The following UBE3B variants were observed in gnomAD, a reference collection of about 807,000 sequenced individuals.
UBE3B encodes the protein ubiquitin-protein ligase E3B.
In UBE3B, 80 loss-of-function variants were observed where a neutral mutation model predicts 132.3. The observed-to-expected ratio is 0.60, with a 90% confidence interval of 0.50 to 0.73. The LOEUF is 0.73. Among genes scored for constraint, UBE3B ranks in the 30% least tolerant of loss-of-function variants. UBE3B has a pLI of 0.00. For synonymous variants in UBE3B, 487 were observed against 520.4 expected, an observed-to-expected ratio of 0.94 and a Z score of 0.87; for missense variants, 1,196 against 1,362.5, an observed-to-expected ratio of 0.88 and a Z score of 1.92.
At chr12:109,511,923 G>A (rs1278149624) in intron 18 of UBE3B, among the ~76,000 whole-genome samples, 2 of 152,158 alleles carry the variant, frequency 1.3e-5, no homozygotes, top group Non-Finnish European at 2.9e-5. Context: ...AGCAAGTCAA[G>A]AGATTTTTAA....
chr12:109,512,499 C>G (rs961271874), intron 18 of UBE3B, among the ~76,000 whole-genome samples: 6 of 152,144 alleles, frequency 3.9e-5, no homozygotes, highest in Non-Finnish European at 1.5e-5. Flanking sequence ...ATGTCCGATG[C>G]TGCGACAACA....
intron 6 of UBE3B, among the ~76,000 whole-genome samples, chr12:109,487,514 A>G (rs1329683962): frequency 1.3e-5 from 2 of 152,180 alleles, no homozygotes; most frequent in African/African-American, 4.8e-5. Flanking sequence ...CAGGTGAGAC[A>G]TGGCTCAGCG....
At chr12:109,514,850 C>T (rs1880808595) in intron 18 of UBE3B, among the ~76,000 whole-genome samples, 1 of 152,072 alleles carries the variant, frequency 6.6e-6, no homozygotes, top group Admixed American at 6.6e-5. Flanking sequence ...GATCTGTCAA[C>T]CAGCCTCAGC....
At chr12:109,518,700 A>G (rs544747162) in intron 19 of UBE3B, among the ~76,000 whole-genome samples, 2 of 152,288 alleles carry the variant, frequency 1.3e-5, no homozygotes, top group South Asian at 4.1e-4. Flanking sequence ...CCCTTCACAA[A>G]TATCATTGCT....
intron 9 of UBE3B, among the ~76,000 whole-genome samples, chr12:109,495,869 T>C (rs1878136263): frequency 6.6e-6 from 1 of 152,234 alleles, no homozygotes; most frequent in Non-Finnish European, 1.5e-5. Context: ...CTCATTCCAG[T>C]AGACCTACAA....
rs1415886921 is a variant in UBE3B at position 109,521,735 on chromosome 12, C to T, written c.2364+184C>T. On this transcript the variant is annotated intron_variant, in intron 21 of 27. Coordinates refer to ENST00000342494, the MANE Select transcript of UBE3B (RefSeq NM_130466.4). The surrounding 1 kb of genome is among the most constrained non-coding windows in gnomAD (Gnocchi z 4.2). ...AGGTACTTTGCCTGTGGCATCTCAT[C>T]TCATCCCATCGACAGCCCTGTGACG... is the stretch of plus-strand genomic sequence containing the variant. Among the ~76,000 whole-genome samples the T allele has an allele frequency of 2.0e-5, 3 of 152,216 alleles. No homozygotes were observed. Among genetic ancestry groups the T allele is most frequent in the South Asian group, 2.1e-4 (1 of 4,834 alleles).
intron 18 of UBE3B, among the ~76,000 whole-genome samples, chr12:109,511,725 C>T (rs1880399453): frequency 6.6e-6 from 1 of 152,108 alleles, no homozygotes; most frequent in African/African-American, 2.4e-5. Flanking sequence ...AGCAAGACAG[C>T]CTTAGAAACC....
At chr12:109,499,859 C>G in intron 12 of UBE3B, 49 bp downstream of exon 12, 1 of 1,432,238 alleles carries the variant, frequency 7.0e-7, no homozygotes, top group Non-Finnish European at 9.3e-7. Flanking sequence ...CTCCCACCAT[C>G]TTCTTCTTCC....
chr12:109,530,609 A>G lies in UBE3B; in HGVS notation c.2873A>G (p.Asp958Gly). 6.2e-7 allele frequency: 1 copy of G among 1,614,164 alleles called. No individual in the cohort carries two copies. Among genetic ancestry groups the G allele is most frequent in the Non-Finnish European group, 8.5e-7 (1 of 1,180,032 alleles). The change falls in exon 26 of 28, where the codon GAT (aspartate) becomes GGT (glycine). Residue 958 changes from aspartate to glycine, a missense_variant. Transcript: ENST00000342494. Reference protein sequence around the residue: ...GSHRVIIWLWDILASDFTPDE... With the variant: ...GSHRVIIWLWGILASDFTPDE... Reference sequence around the variant, plus strand: ...CACAGAGTCATCATCTGGCTCTGGGATATTCTGGCCTCCGACTTCACACCG... The same window carrying G: ...CACAGAGTCATCATCTGGCTCTGGGGTATTCTGGCCTCCGACTTCACACCG...
chr12:109,501,462 A>C lies in UBE3B; in HGVS notation c.1210A>C (p.Lys404Gln), dbSNP rs372809787. ...GATCTTCTTCTGTGACATCCTGAGC[A>C]AGAAGCTACTGGAGAGCCAGGAGCC... ...IRIFFCDILS[K>Q]KLLESQEPAH... Residue 404 changes from lysine (K) to glutamine (Q), a missense_variant, in exon 13 of 28, where the codon AAG becomes CAG. Physicochemically the swap from Lys to Gln is moderately conservative, Grantham distance 53. Coordinates refer to ENST00000342494, the MANE Select transcript of UBE3B (RefSeq NM_130466.4). 1 of 1,614,048 alleles carries C rather than the reference A, an allele frequency of 6.2e-7. No homozygotes were observed. The highest frequency in any genetic ancestry group is 1.3e-5 in the African/African-American group (1 of 74,910).
At chr12:109,518,344 C>T (rs1400616717) in intron 19 of UBE3B, among the ~76,000 whole-genome samples, 1 of 152,180 alleles carries the variant, frequency 6.6e-6, no homozygotes, top group African/African-American at 2.4e-5. Flanking sequence ...CTCCATAACG[C>T]TCTTGAGTTT....
At chr12:109,491,436 A>G (rs1477179810) in intron 9 of UBE3B, 1 of 242,884 alleles carries the variant, frequency 4.1e-6, no homozygotes, top group East Asian at 8.1e-5. Flanking sequence ...TGAAGTTTTA[A>G]TTGACAAAAC....
At position 109,481,895 on chromosome 12, in the gene UBE3B, C is replaced by T. The variant is rs185914229; in HGVS notation, c.-22+153C>T. ...TTGAAACCCACAATTACTTTTGTAC[C>T]AACCTAATACCTTCCCTCCTGTGGT... On this transcript the variant is annotated intron_variant, in intron 2 of 27. Transcript: ENST00000342494. 1.3e-5 allele frequency among the ~76,000 whole-genome samples: 2 copies of T among 152,140 alleles called. 1 individual carries two copies. Among genetic ancestry groups the T allele is most frequent in the Admixed American group, 1.3e-4 (2 of 15,298 alleles).
Position 109,534,880 on chromosome 12 carries a change from G to GC in UBE3B, c.*98_*99insC. On this transcript the variant is annotated 3_prime_UTR_variant, in exon 28 of 28. Transcript: ENST00000342494. The surrounding 1 kb of genome is among the most constrained non-coding windows in gnomAD (Gnocchi z 5.2). ...TGGGAATGTGACCAACATGCCAGGTGACATTGGCCCCTAGACCCTCTCTAT... is the reference window on the plus strand; with the variant it reads ...TGGGAATGTGACCAACATGCCAGGTGCACATTGGCCCCTAGACCCTCTCTAT... 1.8e-6 allele frequency: 2 copies of GC among 1,093,102 alleles called. No homozygotes were observed. Among genetic ancestry groups the GC allele is most frequent in the Non-Finnish European group, 1.3e-6 (1 of 780,694 alleles). 67.7% of individuals were successfully genotyped at this position (1,093,102 alleles called of 1,614,324 possible). A position where few individuals can be genotyped will look rare whatever the true frequency, so the allele number is the denominator to read the frequency against.
At chr12:109,540,377 T>C (rs1332948177), downstream of UBE3B, among the ~76,000 whole-genome samples, 1 of 152,120 alleles carries the variant, frequency 6.6e-6, no homozygotes, top group Non-Finnish European at 1.5e-5. Context: ...CCGGCTAGTT[T>C]ATTTTGTATT....
At chr12:109,546,050 C>A in the UBE3B span, among the ~76,000 whole-genome samples, 2 of 152,286 alleles carry the variant, frequency 1.3e-5, no homozygotes, top group African/African-American at 4.8e-5. Context: ...GTCTCCCTAC[C>A]AGCTAAGGCA....
rs1566097786 is a variant in UBE3B at position 109,511,240 on chromosome 12, C to G, written c.1893C>G (p.Asp631Glu). 6.2e-7 allele frequency: 1 copy of G among 1,614,192 alleles called. No individual in the cohort carries two copies. Among genetic ancestry groups the G allele is most frequent in the Admixed American group, 1.7e-5 (1 of 60,034 alleles). The change falls in exon 18 of 28, where the codon GAC (aspartate) becomes GAG (glutamate). Residue 631 changes from aspartate to glutamate, a missense_variant. Coordinates refer to ENST00000342494, the MANE Select transcript of UBE3B (RefSeq NM_130466.4). ...CTAGCGTGCTCTTCCAAGAACTCGA[C>G]AGGGACAGAAAACGGGCACAGTTGA... ...LKPSVLFQEL[D>E]RDRKRAQLIL...
At position 109,521,397 on chromosome 12, in the gene UBE3B, C is replaced by A; in HGVS notation, c.2254-44C>A. ...AGTGAAGAGCTGGGCTTGCTCCTTG[C>A]AAGGCACTTGACCTCTGCCTCTCCC... On this transcript the variant is annotated intron_variant, in intron 20 of 27. Coordinates refer to ENST00000342494, the MANE Select transcript of UBE3B (RefSeq NM_130466.4). This position sits in a 1 kb window ranked among gnomAD's most constrained non-coding sequence, Gnocchi z 4.2. 6.3e-7 allele frequency: 1 copy of A among 1,594,190 alleles called. No homozygotes were observed. The highest frequency in any genetic ancestry group is 8.6e-7 in the Non-Finnish European group (1 of 1,165,476).
intron 4 of UBE3B, 175 bp downstream of exon 4, chr12:109,484,156 G>A (rs766704021): frequency 1.0e-5 from 6 of 601,378 alleles, no homozygotes; most frequent in Non-Finnish European, 1.6e-5. Context: ...GTGCTTTTAG[G>A]AATCTTTTCA....
Sources: gnomAD v4.1 joint callset for allele counts (sites outside exome capture counted in the v4.1 genomes callset) on GRCh38, gnomAD v4.1.1 for gene constraint, Gnocchi (gnomAD v3.1) non-coding constraint, MANE v1.5 for transcripts, NCBI Gene and HGNC (gene_info 2026-07-23, HGNC 2026-07-21) for gene names.